Variants in NAALADL2 observed in about 807,000 individuals in gnomAD.
NAALADL2 encodes N-acetylated alpha-linked acidic dipeptidase like 2, also known as inactive N-acetylated-alpha-linked acidic dipeptidase-like protein 2.
A neutral mutation model predicts 87.2 loss-of-function variants in NAALADL2; 76 were observed. The ratio of observed to expected loss-of-function variants is 0.87; its 90% CI spans 0.72 to 1.05. NAALADL2 has a LOEUF of 1.05. Ranked by LOEUF, NAALADL2 falls within the 50% of genes least tolerant of loss-of-function variation. The pLI, the probability that NAALADL2 is intolerant of heterozygous loss-of-function variation, is 0.00. For missense variants in NAALADL2, 1,089 were observed against 945.8 expected, an observed-to-expected ratio of 1.15 and a Z score of -1.99; for synonymous variants, 354 against 331.0, an observed-to-expected ratio of 1.07 and a Z score of -0.75.
intron 1 of NAALADL2, among the ~76,000 whole-genome samples, chr3:174,954,677 A>G (rs1362335995): frequency 2.6e-5 from 4 of 152,082 alleles, no homozygotes; most frequent in Non-Finnish European, 5.9e-5. Context: ...AAGGACCATT[A>G]AAATGCAGAT....
At chr3:175,058,353 T>C (rs1157570552) in intron 1 of NAALADL2, among the ~76,000 whole-genome samples, 1 of 152,192 alleles carries the variant, frequency 6.6e-6, no homozygotes, top group South Asian at 2.1e-4. Flanking sequence ...TTGTCAAATA[T>C]TTATTGGTTA....
At chr3:175,679,660 T>A (rs1357171160) in intron 11 of NAALADL2, among the ~76,000 whole-genome samples, 1 of 152,154 alleles carries the variant, frequency 6.6e-6, no homozygotes. Context: ...AATACCATAG[T>A]CCTGAGTCAA....
chr3:175,449,201 T>A (rs1721156685), intron 6 of NAALADL2, among the ~76,000 whole-genome samples: 1 of 152,022 alleles, frequency 6.6e-6, no homozygotes, highest in Non-Finnish European at 1.5e-5. Context: ...GCTTCAGCCT[T>A]CCGAGTAGCT....
At chr3:175,194,113 A>G (rs1484592578) in intron 2 of NAALADL2, among the ~76,000 whole-genome samples, 1 of 151,844 alleles carries the variant, frequency 6.6e-6, no homozygotes, top group Non-Finnish European at 1.5e-5. Flanking sequence ...TTGTGCTTAA[A>G]ATTTAATACC....
At chr3:174,758,793 T>C (rs1298549758) in intron 3 of NAALADL2, among the ~76,000 whole-genome samples, 1 of 152,228 alleles carries the variant, frequency 6.6e-6, no homozygotes, top group Admixed American at 6.5e-5. Context: ...TAGGATGGGA[T>C]AACAACTTCT....
intron 2 of NAALADL2, among the ~76,000 whole-genome samples, chr3:174,598,743 A>G (rs1018508636): frequency 3.3e-5 from 5 of 152,212 alleles, no homozygotes; most frequent in Non-Finnish European, 7.4e-5. Context: ...CGACTCAGAC[A>G]TTACTATAGA....
chr3:175,175,320 C>G (rs1313486798), intron 2 of NAALADL2, among the ~76,000 whole-genome samples: 1 of 151,924 alleles, frequency 6.6e-6, no homozygotes, highest in African/African-American at 2.4e-5. Context: ...TTAAAAAATT[C>G]CAACATAGCC....
chr3:174,663,557 A>G (rs1457046005), intron 2 of NAALADL2, among the ~76,000 whole-genome samples: 1 of 152,002 alleles, frequency 6.6e-6, no homozygotes, highest in African/African-American at 2.4e-5. Flanking sequence ...AGAGGTCCAA[A>G]ACTCTTTAAC....
chr3:174,768,789 A>G (rs1306264426), intron 3 of NAALADL2, among the ~76,000 whole-genome samples: 4 of 152,088 alleles, frequency 2.6e-5, no homozygotes, highest in African/African-American at 9.7e-5. Flanking sequence ...CATACATTTG[A>G]TTGAAGTTTT....
intron 5 of NAALADL2, among the ~76,000 whole-genome samples, chr3:175,356,945 C>T (rs779580998): frequency 3.3e-5 from 5 of 151,890 alleles, no homozygotes; most frequent in East Asian, 1.9e-4. Context: ...TGTGAGGTCT[C>T]GGGAGACTGG....
intron 11 of NAALADL2, among the ~76,000 whole-genome samples, chr3:175,705,912 A>G (rs1739629558): frequency 6.6e-6 from 1 of 152,142 alleles, no homozygotes; most frequent in Non-Finnish European, 1.5e-5. Flanking sequence ...GATGAAGGAA[A>G]TGTTTTAGAG....
chr3:174,658,501 T>C (rs146828003), intron 2 of NAALADL2, among the ~76,000 whole-genome samples: 83 of 152,276 alleles, frequency 5.5e-4, no homozygotes, highest in African/African-American at 1.9e-3. Flanking sequence ...TTTTTTTGTA[T>C]ATTTTGTGTA....
chr3:175,505,101 C>G (rs1221288647), intron 9 of NAALADL2, among the ~76,000 whole-genome samples: 1 of 151,990 alleles, frequency 6.6e-6, no homozygotes, highest in Non-Finnish European at 1.5e-5. Context: ...GTAAAAATCT[C>G]CTATTATGCT....
At chr3:174,643,111 G>T (rs1001719303) in intron 2 of NAALADL2, among the ~76,000 whole-genome samples, 7 of 152,064 alleles carry the variant, frequency 4.6e-5, no homozygotes, top group African/African-American at 1.7e-4. Flanking sequence ...CAAGAAAAGT[G>T]TTGGCTGATG....
At chr3:175,141,394 G>T (rs963827405) in intron 2 of NAALADL2, among the ~76,000 whole-genome samples, 3 of 151,960 alleles carry the variant, frequency 2.0e-5, no homozygotes, top group Admixed American at 1.3e-4. Flanking sequence ...AATACAAACT[G>T]AAGCAAGAGA....
chr3:175,304,115 T>C (rs1269772010), intron 4 of NAALADL2, among the ~76,000 whole-genome samples: 1 of 152,130 alleles, frequency 6.6e-6, no homozygotes, highest in Non-Finnish European at 1.5e-5. Flanking sequence ...GTAATCATTA[T>C]GAATTCAAGA....
intron 2 of NAALADL2, among the ~76,000 whole-genome samples, chr3:175,132,141 C>A (rs1171510760): frequency 2.3e-5 from 3 of 129,794 alleles, no homozygotes; most frequent in Non-Finnish European, 4.9e-5. Context: ...GGGGGCTGAC[C>A]CCCCCACCTC....
At chr3:175,025,482 G>A (rs1580086359) in intron 1 of NAALADL2, among the ~76,000 whole-genome samples, 3 of 152,170 alleles carry the variant, frequency 2.0e-5, no homozygotes, top group African/African-American at 2.4e-5. Context: ...ATAATAACAT[G>A]TACTATATAG....
chr3:175,594,930 T>G (rs1722044339), intron 10 of NAALADL2, among the ~76,000 whole-genome samples: 1 of 152,136 alleles, frequency 6.6e-6, no homozygotes, highest in Non-Finnish European at 1.5e-5. Context: ...ATGTGAATAT[T>G]TTCCCTTATT....
Sources: allele counts gnomAD v4.1 joint callset (sites outside exome capture counted in the v4.1 genomes callset), GRCh38; gene constraint gnomAD v4.1.1; transcripts MANE v1.5; gene names NCBI Gene and HGNC (gene_info 2026-07-23, HGNC 2026-07-21).